DBF4B: variants seen among roughly 807,000 people sequenced by gnomAD.
The protein encoded by DBF4B is DBF4B-CDC7 kinase regulatory subunit.
DBF4B carries 49 observed loss-of-function variants against 53.4 expected under a neutral mutation model. The observed-to-expected ratio is 0.92, with a 90% CI of 0.73 to 1.16. The LOEUF is 1.16. Among genes scored for constraint, DBF4B ranks in the 50% most tolerant of loss-of-function variants. The pLI, the probability that DBF4B is intolerant of heterozygous loss-of-function variation, is 0.00. For synonymous variants in DBF4B, 257 were observed against 288.7 expected (o/e 0.89, Z 1.11); for missense variants, 692 against 775.0 (o/e 0.89, Z 1.27).
rs200894792 is a variant in DBF4B, at chr17:44,742,250, C to CA, written c.830+808dup. On this transcript the variant is annotated intron_variant, in intron 10 of 13. Transcript: ENST00000315005. ...AACCCCTTCTCTACTAAAAATGCAA[C>CA]AAAAAAAAAATTAGCCAGGCATTGT... Among the ~76,000 whole-genome samples the CA allele has an allele frequency of 6.8e-4, 100 of 147,076 alleles. 2 individuals are homozygous for CA. The South Asian group carries it at 0.019, about 27-fold the overall frequency.
chr17:44,740,005 A>G (rs1345863540), intron 9 of DBF4B, among the ~76,000 whole-genome samples: 2 of 152,048 alleles, frequency 1.3e-5, no homozygotes, highest in African/African-American at 2.4e-5. Flanking sequence ...CAGGTGATCC[A>G]CCTGCCTTGG....
rs754009934 is a variant in DBF4B, at chr17:44,722,885, T to A, written c.88T>A (p.Ser30Thr). 1 of 1,614,096 alleles carries A rather than the reference T, an allele frequency of 6.2e-7. No homozygotes were observed. ...SRLRAPDLGV[S>T]RCLGKCQKNS... The stretch of plus-strand genomic sequence containing the variant: ...TCCTCTTTATTGTTTTCTAGGAGTT[T>A]CCAGGTGTCTAGGAAAATGCCAGAA... Residue 30 changes from serine (S) to threonine (T), a missense_variant, in exon 3 of 14, where the codon TCC becomes ACC. Around this residue, in one of 3 missense-constraint regions of DBF4B, gnomAD observed 66 missense variants for 51.3 expected, o/e 1.29. Transcript: ENST00000315005.
intron 3 of DBF4B, among the ~76,000 whole-genome samples, 179 bp from the exon 4 acceptor site, chr17:44,729,726 A>ACACACACC (rs1555677106): frequency 2.1e-5 from 3 of 144,278 alleles, no homozygotes; most frequent in South Asian, 2.2e-4. Flanking sequence ...ACACACACAC[A>ACACACACC]CCCCATTAGA....
chr17:44,746,816 CAAAAAAAAAA>C (rs537023750), intron 10 of DBF4B, among the ~76,000 whole-genome samples: 4 of 124,936 alleles, frequency 3.2e-5, no homozygotes, highest in Non-Finnish European at 3.4e-5. Flanking sequence ...TAGACTCTCT[CAAAAAAAAAA>C]AAAAAAGAGA....
At chr17:44,721,249 C>T (rs1229614555) in intron 2 of DBF4B, among the ~76,000 whole-genome samples, 1 of 133,100 alleles carries the variant, frequency 7.5e-6, no homozygotes, top group Non-Finnish European at 1.6e-5. Flanking sequence ...GACAGAATCT[C>T]CCTCTGTTAC....
intron 6 of DBF4B, chr17:44,733,856 A>G (rs764151698): frequency 5.5e-6 from 3 of 541,442 alleles, no homozygotes; most frequent in Middle Eastern, 5.1e-4. Flanking sequence ...GTTGTATTCA[A>G]TGCTGCAAAA....
At chr17:44,716,728 TG>T in intron 2 of DBF4B, among the ~76,000 whole-genome samples, 1 of 152,292 alleles carries the variant, frequency 6.6e-6, no homozygotes, top group Admixed American at 6.5e-5. Context: ...AGTCTTCTGC[TG>T]GGGTGGGAGA....
chr17:44,735,400 C>T (rs1975295031), intron 7 of DBF4B, among the ~76,000 whole-genome samples: 1 of 152,180 alleles, frequency 6.6e-6, no homozygotes, highest in African/African-American at 2.4e-5. Flanking sequence ...AGGCCGGGCA[C>T]AGTGGCTCAC....
intron 2 of DBF4B, among the ~76,000 whole-genome samples, chr17:44,711,016 C>T (rs201373306): frequency 6.3e-4 from 73 of 115,720 alleles, no homozygotes; most frequent in African/African-American, 2.6e-3. Context: ...GACAGAGTCT[C>T]GCTTTGTCGC....
intron 2 of DBF4B, among the ~76,000 whole-genome samples, chr17:44,709,648 T>C (rs1972687703): frequency 6.6e-6 from 1 of 152,080 alleles, no homozygotes; most frequent in African/African-American, 2.4e-5. Flanking sequence ...TGTGTGTGTG[T>C]ATGGACGCAG....
chr17:44,746,816 CAAAAA>C (rs537023750), intron 10 of DBF4B, among the ~76,000 whole-genome samples: 1 of 124,934 alleles, frequency 8.0e-6, no homozygotes, highest in Non-Finnish European at 1.7e-5. Context: ...TAGACTCTCT[CAAAAA>C]AAAAAAAAAA....
intron 2 of DBF4B, among the ~76,000 whole-genome samples, chr17:44,714,933 G>T (rs1367260483): frequency 6.6e-6 from 1 of 151,914 alleles, no homozygotes; most frequent in Non-Finnish European, 1.5e-5. Flanking sequence ...TACATTAGCT[G>T]GTCTCCAATA....
At chr17:44,739,970 G>C (rs1456241026) in intron 9 of DBF4B, among the ~76,000 whole-genome samples, 1 of 152,130 alleles carries the variant, frequency 6.6e-6, no homozygotes, top group Non-Finnish European at 1.5e-5. Flanking sequence ...TGGCCATGTT[G>C]GCCTGGCTGA....
Position 44,751,160 on chromosome 17 carries a change from T to C in DBF4B, c.1755T>C (p.His585=), listed in dbSNP as rs757494491. 1.2e-6 allele frequency: 2 copies of C among 1,614,102 alleles called. No individual in the cohort carries two copies. The highest frequency in any genetic ancestry group is 1.7e-6 in the Non-Finnish European group (2 of 1,180,012). ...TLAFPSYLND[H]DLGHLCQAKP... is the part of the protein sequence containing the mutation. ...CCTTCCCCTCCTATCTCAATGATCA[T>C]GACCTTGGACATCTCTGCCAGGCCA... The change falls in exon 14 of 14, where the codon CAT becomes CAC. Residue 585 remains histidine, a synonymous_variant. Coordinates refer to ENST00000315005, the MANE Select transcript of DBF4B (RefSeq NM_145663.3).
intron 9 of DBF4B, among the ~76,000 whole-genome samples, chr17:44,738,801 G>A (rs1226196020): frequency 6.6e-6 from 1 of 152,208 alleles, no homozygotes; most frequent in African/African-American, 2.4e-5. Context: ...CAGTCACAGT[G>A]CTAGTATAGT....
chr17:44,724,535 G>A (rs765394331), intron 3 of DBF4B, among the ~76,000 whole-genome samples: 3 of 152,242 alleles, frequency 2.0e-5, no homozygotes, highest in Admixed American at 6.5e-5. Context: ...CTATCACCAC[G>A]CCCGGCTAAT....
intron 3 of DBF4B, among the ~76,000 whole-genome samples, chr17:44,727,651 T>C (rs1974472863): frequency 6.6e-6 from 1 of 152,214 alleles, no homozygotes; most frequent in Non-Finnish European, 1.5e-5. Context: ...GCCTTTGCTA[T>C]GTAAAACACC....
At position 44,750,914 on chromosome 17, in the gene DBF4B, T is replaced by C. The variant is rs752555390; in HGVS notation, c.1509T>C (p.Leu503=). The change falls in exon 14 of 14, where the codon CTT becomes CTC. Residue 503 remains leucine (L), a synonymous_variant. Transcript: ENST00000315005. The part of the protein sequence containing the change: ...PLLFPEARPW[L]MSARCWVRPF... Reference sequence around the variant, plus strand: ...TCTTCCCTGAAGCCAGACCGTGGCTTATGTCTGCACGCTGCTGGGTTCGTC... The same window carrying C: ...TCTTCCCTGAAGCCAGACCGTGGCTCATGTCTGCACGCTGCTGGGTTCGTC... 1 of 1,614,200 alleles carries C rather than the reference T, an allele frequency of 6.2e-7. No individual in the cohort carries two copies. The highest frequency in any genetic ancestry group is 8.5e-7 in the Non-Finnish European group (1 of 1,180,042).
chr17:44,723,640 T>TC (rs1178247882), intron 3 of DBF4B, among the ~76,000 whole-genome samples: 2 of 151,680 alleles, frequency 1.3e-5, no homozygotes, highest in Non-Finnish European at 2.9e-5. Flanking sequence ...GCACCTATAG[T>TC]CCCAGCTGCT....
Sources: allele counts gnomAD v4.1 joint callset (sites outside exome capture counted in the v4.1 genomes callset), GRCh38; gene constraint gnomAD v4.1.1; regional missense constraint gnomAD v4.1.1; transcripts MANE v1.5; gene names NCBI Gene and HGNC (gene_info 2026-07-23, HGNC 2026-07-21).